The following FLVCR2 variants were observed in gnomAD, a reference collection of about 807,000 sequenced individuals.
FLVCR2 encodes choline/ethanolamine transporter FLVCR2.
In FLVCR2, 38 loss-of-function variants were observed where a neutral mutation model predicts 48.9. The ratio of observed to expected loss-of-function variants is 0.78; its 90% CI spans 0.60 to 1.02. The LOEUF (loss-of-function observed/expected upper bound fraction) is 1.02. FLVCR2 is among the 50% of genes least tolerant of loss of function. The pLI, the probability that FLVCR2 is intolerant of heterozygous loss-of-function variation, is 0.00. For missense variants in FLVCR2, 664 were observed against 663.3 expected, an observed-to-expected ratio of 1.00 and a Z score of -0.01; for synonymous variants, 255 against 257.0, an observed-to-expected ratio of 0.99 and a Z score of 0.07.
chr14:75,620,263 T>A (rs1255522860), intron 1 of FLVCR2, among the ~76,000 whole-genome samples: 1 of 152,174 alleles, frequency 6.6e-6, no homozygotes, highest in East Asian at 1.9e-4. Context: ...AAGGATCAGC[T>A]AAAGCTCCAA....
chr14:75,621,524 G>C (rs563729998), intron 1 of FLVCR2, among the ~76,000 whole-genome samples: 4 of 152,030 alleles, frequency 2.6e-5, no homozygotes, highest in Admixed American at 2.6e-4. Context: ...ATGCAGTTAT[G>C]TGTGACTTCA....
At chr14:75,583,089 A>AGTGAAAGCGAAGAGAGGCT (rs1288731075) in intron 1 of FLVCR2, among the ~76,000 whole-genome samples, 1 of 152,216 alleles carries the variant, frequency 6.6e-6, no homozygotes, top group African/African-American at 2.4e-5. Flanking sequence ...GGTCAGTCCA[A>AGTGAAAGCGAAGAGAGGCT]GTGAAAGCGA....
chr14:75,600,722 A>AT (rs1334678999), intron 1 of FLVCR2, among the ~76,000 whole-genome samples: 3 of 152,246 alleles, frequency 2.0e-5, no homozygotes, highest in African/African-American at 7.2e-5. Context: ...AAAAGAAAAA[A>AT]TTAAACTACA....
chr14:75,637,475 C>T (rs958172444), intron 5 of FLVCR2, among the ~76,000 whole-genome samples: 9 of 151,980 alleles, frequency 5.9e-5, no homozygotes, highest in Non-Finnish European at 1.2e-4. Flanking sequence ...GCCTGTAATC[C>T]CAGCACTTTG....
At chr14:75,637,220 C>G (rs1402937181) in intron 5 of FLVCR2, among the ~76,000 whole-genome samples, 1 of 152,190 alleles carries the variant, frequency 6.6e-6, no homozygotes, top group Non-Finnish European at 1.5e-5. Flanking sequence ...CTTGAGTGGC[C>G]TGAGCTTCAG....
intron 1 of FLVCR2, among the ~76,000 whole-genome samples, chr14:75,621,419 G>A (rs1426387053): frequency 2.0e-5 from 3 of 149,726 alleles, no homozygotes; most frequent in Non-Finnish European, 4.4e-5. Flanking sequence ...AAAAAAAAAA[G>A]AAAAAGAAAA....
At chr14:75,580,626 A>G (rs1888571816) in intron 1 of FLVCR2, among the ~76,000 whole-genome samples, 1 of 152,202 alleles carries the variant, frequency 6.6e-6, no homozygotes, top group Admixed American at 6.5e-5. Context: ...GATTATCATC[A>G]GTTCTTATAG....
chr14:75,616,499 TTTAA>T (rs1889621492), intron 1 of FLVCR2, among the ~76,000 whole-genome samples: 1 of 152,172 alleles, frequency 6.6e-6, no homozygotes, highest in South Asian at 2.1e-4. Context: ...ATATATATTT[TTTAA>T]TTGATACATG....
At chr14:75,638,630 G>A (rs1890226761) in intron 5 of FLVCR2, among the ~76,000 whole-genome samples, 1 of 152,098 alleles carries the variant, frequency 6.6e-6, no homozygotes, top group African/African-American at 2.4e-5. Context: ...ACCTCATCAT[G>A]GCTGATGTTT....
At position 75,579,050 on chromosome 14, in the gene FLVCR2, C is replaced by T; in HGVS notation, c.78C>T (p.Ser26=). ...AGTCCGCACTCCAAGCGGACCCCAG[C>T]GTCTCGGTCCATCCCAGCGTCTCGG... ...VPESALQADP[S]VSVHPSVSVH... Residue 26 remains serine (S), a synonymous_variant, in exon 1 of 10, where the codon AGC becomes AGT. Transcript: ENST00000238667. 6.2e-7 allele frequency: 1 copy of T among 1,601,248 alleles called. No homozygotes were observed. The highest frequency in any genetic ancestry group is 8.5e-7 in the Non-Finnish European group (1 of 1,171,494).
At chr14:75,605,745 CA>C in intron 1 of FLVCR2, 1 of 962,186 alleles carries the variant, frequency 1.0e-6, no homozygotes, top group Non-Finnish European at 1.6e-6. Context: ...AGGAGTTGAA[CA>C]CAAGTATTTT....
intron 1 of FLVCR2, among the ~76,000 whole-genome samples, chr14:75,611,661 C>T (rs1189367809): frequency 3.3e-5 from 5 of 152,008 alleles, no homozygotes; most frequent in Non-Finnish European, 5.9e-5. Flanking sequence ...TTGCTTGAGC[C>T]AGGGAAGTAG....
intron 1 of FLVCR2, among the ~76,000 whole-genome samples, chr14:75,583,549 G>T (rs1020338742): frequency 6.6e-6 from 1 of 152,078 alleles, no homozygotes; most frequent in Non-Finnish European, 1.5e-5. Context: ...AGAGGAAGAC[G>T]CGAAGGAGGC....
At chr14:75,583,934 G>A (rs1182150222) in intron 1 of FLVCR2, among the ~76,000 whole-genome samples, 5 of 152,222 alleles carry the variant, frequency 3.3e-5, no homozygotes, top group African/African-American at 4.8e-5. Flanking sequence ...ATTGGGCAGC[G>A]TCAGTCTTCA....
Position 75,605,167 on chromosome 14 carries a change from G to A in FLVCR2, c.670-16912G>A, listed in dbSNP as rs1431667135. Among the ~76,000 whole-genome samples the A allele has an allele frequency of 2.0e-5, 3 of 152,290 alleles. No individual in the cohort carries two copies. The East Asian group carries it at 5.8e-4, about 29-fold the overall frequency. On this transcript the variant is annotated intron_variant, in intron 1 of 9. Coordinates refer to ENST00000238667, the MANE Select transcript of FLVCR2 (RefSeq NM_017791.3). ...TTCCCTTGACTTGAACTCCCCCCAAGCCTCAACATCAAACAGCCCTGTGTG... is the reference window on the plus strand; with the variant it reads ...TTCCCTTGACTTGAACTCCCCCCAAACCTCAACATCAAACAGCCCTGTGTG...
intron 1 of FLVCR2, among the ~76,000 whole-genome samples, chr14:75,580,659 T>C (rs539620288): frequency 6.7e-6 from 1 of 149,756 alleles, no homozygotes; most frequent in African/African-American, 2.5e-5. Flanking sequence ...GTGGTGGAGT[T>C]AGGAGCAATG....
Position 75,605,663 on chromosome 14 carries a change from T to C in FLVCR2, c.670-16416T>C, listed in dbSNP as rs979802705. The C allele has an allele frequency of 1.2e-5, 19 of 1,526,912 alleles. No homozygotes were observed. The African/African-American group carries it at 1.8e-4, about 14-fold the overall frequency. 94.6% of individuals were successfully genotyped at this position (1,526,912 alleles called of 1,614,324 possible). A position where few individuals can be genotyped will look rare whatever the true frequency, so the allele number is the denominator to read the frequency against. On this transcript the variant is annotated intron_variant, in intron 1 of 9. Transcript: ENST00000238667. ...TTACTTCCTTCCCAACTTCTTTGGG[T>C]TCAGCCGTGTGTCCGGAGCCTTAGG...
intron 1 of FLVCR2, among the ~76,000 whole-genome samples, chr14:75,599,218 C>G (rs1435591389): frequency 1.3e-5 from 2 of 152,178 alleles, no homozygotes; most frequent in Non-Finnish European, 2.9e-5. Flanking sequence ...TTTCCTCCCC[C>G]ATGCTGTGCC....
Position 75,578,825 on chromosome 14 carries a change from A to T in FLVCR2, c.-148A>T. 1.3e-6 allele frequency: 1 copy of T among 755,878 alleles called. No homozygotes were observed. The highest frequency in any genetic ancestry group is 2.3e-6 in the Non-Finnish European group (1 of 443,978). The allele number at this position is 755,878 out of a possible 1,614,324, so 46.8% of individuals were successfully genotyped here. A position where few individuals can be genotyped will look rare whatever the true frequency, so the allele number is the denominator to read the frequency against. ...CTTGGAGGTGAGCACAGGAAGCCCC[A>T]CTTGAGGCTTTTACGCAGCCTCTAG... is the stretch of plus-strand genomic sequence containing the variant. On this transcript the variant is annotated 5_prime_UTR_variant, in exon 1 of 10. Transcript: ENST00000238667.
Sources: gnomAD v4.1 joint callset for allele counts (sites outside exome capture counted in the v4.1 genomes callset) on GRCh38, gnomAD v4.1.1 for gene constraint, MANE v1.5 for transcripts, NCBI Gene and HGNC (gene_info 2026-07-23, HGNC 2026-07-21) for gene names.